RMST: variants seen among roughly 807,000 people sequenced by gnomAD.
The protein encoded by RMST is long intergenic non-protein coding RNA 54.
At chr12:97,537,446 C>T (rs1186522490) in intron 11 of RMST, among the ~76,000 whole-genome samples, 1 of 151,356 alleles carries the variant, frequency 6.6e-6, no homozygotes, top group Non-Finnish European at 1.5e-5. Flanking sequence ...ATGATGATTT[C>T]TCTTGTCTCA....
chr12:97,489,333 G>A (rs1415411749), intron 5 of RMST, among the ~76,000 whole-genome samples: 1 of 152,038 alleles, frequency 6.6e-6, no homozygotes, highest in Non-Finnish European at 1.5e-5. Context: ...TGTAGTCCCA[G>A]CTGCTTGGGA....
rs192363020 is a variant in RMST, at chr12:97,469,720, C to A, written n.644+3993C>A. Among the ~76,000 whole-genome samples the A allele has an allele frequency of 1.1e-3, 164 of 152,094 alleles. 1 individual carries two copies. The highest frequency in any genetic ancestry group is 1.9e-3 in the Admixed American group (29 of 15,224). ...ACATATTATTGAGCCTCTGTAATGT[C>A]CTAGGCTTGTTCAAGATGTTCAGAA... On this transcript the variant is annotated intron_variant and non_coding_transcript_variant, in intron 5 of 13. Coordinates refer to ENST00000640149, the Ensembl canonical transcript of RMST.
Position 97,552,358 on chromosome 12 carries a change from G to A in RMST, n.1546-8179G>A, listed in dbSNP as rs138064760. 608 of 152,270 alleles carry A rather than the reference G, an allele frequency of 4.0e-3. 2 individuals are homozygous for A. The highest frequency in any genetic ancestry group is 0.014 in the African/African-American group (564 of 41,560). 9.4% of individuals were successfully genotyped at this position (152,270 alleles called of 1,614,324 possible). On this transcript the variant is annotated intron_variant and non_coding_transcript_variant, in intron 11 of 13. Transcript: ENST00000640149. ...TGAAATAAAATTAGCCAATTAACCT[G>A]ACATAAAATATTTCTTCAGGCATTG...
At chr12:97,512,350 G>A (rs777808584) in intron 10 of RMST, among the ~76,000 whole-genome samples, 1 of 152,168 alleles carries the variant, frequency 6.6e-6, no homozygotes, top group Admixed American at 6.5e-5. Flanking sequence ...AAAGAACAAA[G>A]CTTCCACAGC....
intron 11 of RMST, among the ~76,000 whole-genome samples, chr12:97,553,949 C>CTTTTTTTTTTTTTTTTT (rs756008010): frequency 1.7e-5 from 2 of 120,284 alleles, no homozygotes; most frequent in Non-Finnish European, 1.7e-5. Flanking sequence ...TTTTCTTTCT[C>CTTTTTTTTTTTTTTTTT]TTTTTTTTTT....
intron 10 of RMST, chr12:97,530,326 AG>A (rs1881512747): frequency 6.6e-6 from 1 of 152,122 alleles, no homozygotes; most frequent in South Asian, 2.1e-4. Context: ...TCAAAACCCT[AG>A]GAACTACTGT....
chr12:97,502,437 A>G (rs1878184096), intron 10 of RMST, among the ~76,000 whole-genome samples: 1 of 152,148 alleles, frequency 6.6e-6, no homozygotes, highest in Non-Finnish European at 1.5e-5. Flanking sequence ...ACAGAGGCAG[A>G]CATTGAAAAT....
chr12:97,534,890 T>C (rs1266605011), intron 11 of RMST, among the ~76,000 whole-genome samples: 1 of 151,716 alleles, frequency 6.6e-6, no homozygotes, highest in Non-Finnish European at 1.5e-5. Context: ...TGTTGTTTTA[T>C]TTGTTGTGCA....
chr12:97,497,400 A>G (rs1158075625), intron 10 of RMST, among the ~76,000 whole-genome samples: 1 of 152,158 alleles, frequency 6.6e-6, no homozygotes, highest in Non-Finnish European at 1.5e-5. Flanking sequence ...TTGGACCCTC[A>G]TTTATTTTCT....
Position 97,489,200 on chromosome 12 carries a change from C to T in RMST, n.645-3261C>T, listed in dbSNP as rs867296066. ...ATGGCTCACACCTGTAATCCCGGCA[C>T]TTTGGGAAGCTGAGGTGGGAAGATC... On this transcript the variant is annotated intron_variant and non_coding_transcript_variant, in intron 5 of 13. Transcript: ENST00000640149. Among the ~76,000 whole-genome samples, 7 of 152,282 alleles carry T rather than the reference C, an allele frequency of 4.6e-5. No homozygotes were observed. In the South Asian group the frequency reaches 8.3e-4, roughly 18 times the overall value.
chr12:97,473,927 A>T (rs77530740), intron 5 of RMST, among the ~76,000 whole-genome samples: 6,961 of 152,214 alleles, frequency 0.046, 183 homozygotes, highest in Non-Finnish European at 0.064. Context: ...TGACTTAATT[A>T]TTCTCTTCTT....
chr12:97,523,949 G>GCA (rs1880786534), intron 10 of RMST, among the ~76,000 whole-genome samples: 1 of 151,596 alleles, frequency 6.6e-6, no homozygotes. Flanking sequence ...GGTGGTGCGT[G>GCA]CCTGTAGTCC....
intron 11 of RMST, among the ~76,000 whole-genome samples, chr12:97,546,809 T>A (rs1882970216): frequency 6.6e-6 from 1 of 152,076 alleles, no homozygotes; most frequent in South Asian, 2.1e-4. Flanking sequence ...TTTTTGTATG[T>A]GATGAGAACA....
chr12:97,501,662 G>A (rs992518985), intron 10 of RMST, among the ~76,000 whole-genome samples: 1 of 152,152 alleles, frequency 6.6e-6, no homozygotes, highest in African/African-American at 2.4e-5. Context: ...GGCAGAGCAA[G>A]TTAGCTCAGC....
At chr12:97,511,306 A>T (rs1266563831) in intron 10 of RMST, among the ~76,000 whole-genome samples, 2 of 151,888 alleles carry the variant, frequency 1.3e-5, no homozygotes, top group Non-Finnish European at 2.9e-5. Flanking sequence ...GTGCCACTAC[A>T]TGCTGCTGAT....
chr12:97,553,506 A>T (rs535389864), intron 11 of RMST, among the ~76,000 whole-genome samples: 1 of 152,306 alleles, frequency 6.6e-6, no homozygotes, highest in East Asian at 1.9e-4. Flanking sequence ...AAAGATGTCT[A>T]TCAACAACTC....
At chr12:97,472,344 T>G (rs1874028158) in intron 5 of RMST, among the ~76,000 whole-genome samples, 1 of 152,100 alleles carries the variant, frequency 6.6e-6, no homozygotes, top group South Asian at 2.1e-4. Flanking sequence ...TTATATTCAA[T>G]CCAGGGAAAC....
chr12:97,527,991 T>C (rs1366001438), intron 10 of RMST, among the ~76,000 whole-genome samples: 1 of 152,158 alleles, frequency 6.6e-6, no homozygotes, highest in Non-Finnish European at 1.5e-5. Flanking sequence ...TGAGTTTTCC[T>C]GTAGGTCAGA....
intron 11 of RMST, among the ~76,000 whole-genome samples, chr12:97,556,803 AAT>A (rs1883736305): frequency 1.4e-5 from 2 of 146,352 alleles, no homozygotes; most frequent in Admixed American, 6.6e-5. Context: ...CTTGTACACT[AAT>A]TATCAAGTTT....
Sources: gnomAD v4.1 joint callset for allele counts (sites outside exome capture counted in the v4.1 genomes callset) on GRCh38, gnomAD v4.1.1 for gene constraint, MANE v1.5 for transcripts, NCBI Gene and HGNC (gene_info 2026-07-23, HGNC 2026-07-21) for gene names.